The following FAM227A variants were observed in gnomAD, a reference collection of about 807,000 sequenced individuals.
The protein encoded by FAM227A is protein FAM227A.
Under a neutral mutation model 74.7 loss-of-function variants are expected in FAM227A, and 80 were observed. The ratio of observed to expected loss-of-function variants is 1.07; its 90% CI spans 0.89 to 1.29. The LOEUF is 1.29. Among genes scored for constraint, FAM227A ranks in the 50% most tolerant of loss-of-function variants. The pLI is 0.00. For missense variants in FAM227A, 654 were observed against 683.4 expected, an observed-to-expected ratio of 0.96 and a Z score of 0.48; for synonymous variants, 237 against 241.8, an observed-to-expected ratio of 0.98 and a Z score of 0.19.
intron 1 of FAM227A, among the ~76,000 whole-genome samples, chr22:38,650,871 A>G (rs754891755): frequency 5.9e-5 from 9 of 152,122 alleles, no homozygotes; most frequent in South Asian, 2.1e-4. Flanking sequence ...TGGGCCCTCT[A>G]TGTCCAGAGT....
intron 2 of FAM227A, among the ~76,000 whole-genome samples, chr22:38,648,203 C>T (rs958879196): frequency 2.6e-5 from 4 of 151,630 alleles, no homozygotes; most frequent in African/African-American, 9.7e-5. Context: ...AAGACAGGGC[C>T]AGGGCAGTAA....
chr22:38,603,755 C>T (rs1246670094), intron 13 of FAM227A, among the ~76,000 whole-genome samples: 2 of 152,046 alleles, frequency 1.3e-5, no homozygotes, highest in South Asian at 2.1e-4. Flanking sequence ...TGAGAGGGTA[C>T]TAGACTTCAA....
chr22:38,649,366 A>G (rs1021295254), intron 2 of FAM227A, among the ~76,000 whole-genome samples: 1 of 152,054 alleles, frequency 6.6e-6, no homozygotes, highest in African/African-American at 2.4e-5. Context: ...GGAGTTCAAG[A>G]CCAGCCTGGC....
chr22:38,606,684 C>G (rs895043434), intron 12 of FAM227A, among the ~76,000 whole-genome samples: 1 of 152,202 alleles, frequency 6.6e-6, no homozygotes, highest in African/African-American at 2.4e-5. Flanking sequence ...TTCAATGGCA[C>G]TGACCTCTCT....
intron 14 of FAM227A, 101 bp downstream of exon 14, chr22:38,599,661 GGC>G (rs1356963332): frequency 3.6e-6 from 4 of 1,096,656 alleles, no homozygotes; most frequent in Non-Finnish European, 5.0e-6. Context: ...TGGTGTGCCA[GGC>G]GCTGTGCTAA....
intron 1 of FAM227A, among the ~76,000 whole-genome samples, chr22:38,654,765 C>G (rs1265906026): frequency 2.7e-5 from 3 of 113,140 alleles, no homozygotes; most frequent in Non-Finnish European, 5.2e-5. Flanking sequence ...CCCATCTCTA[C>G]TAAAAATACC....
chr22:38,652,876 CAAAAA>C, intron 1 of FAM227A, among the ~76,000 whole-genome samples: 1 of 90,388 alleles, frequency 1.1e-5, no homozygotes, highest in Admixed American at 1.2e-4. Context: ...GACTCCATCT[CAAAAA>C]AAAAAAAAAA....
chr22:38,613,014 T>C (rs2091448572), intron 11 of FAM227A, among the ~76,000 whole-genome samples: 1 of 132,864 alleles, frequency 7.5e-6, no homozygotes, highest in Non-Finnish European at 1.5e-5. Flanking sequence ...TTTTTGGCAC[T>C]ACAAAAATTC....
Position 38,656,387 on chromosome 22 carries a change from G to C in FAM227A, c.-362C>G, listed in dbSNP as rs1051893814. On this transcript the variant is annotated 5_prime_UTR_variant, in exon 1 of 17. Transcript: ENST00000535113. ...CAATGGAACCTTCGTGAGCCGCCGCGTTGTCCGCGAGATGCCGTTTCTATG... is the reference window on the plus strand; with the variant it reads ...CAATGGAACCTTCGTGAGCCGCCGCCTTGTCCGCGAGATGCCGTTTCTATG... 4.6e-5 allele frequency: 7 copies of C among 152,496 alleles called. 1 individual carries two copies. The East Asian group carries it at 1.2e-3, about 25-fold the overall frequency. The allele number at this position is 152,496 out of a possible 1,614,324, so 9.4% of individuals were successfully genotyped here.
chr22:38,639,462 T>C lies in FAM227A; in HGVS notation c.295+193A>G, dbSNP rs73415434. Among the ~76,000 whole-genome samples the C allele has an allele frequency of 6.2e-3, 920 of 148,306 alleles. 7 individuals are homozygous for C. Among genetic ancestry groups the C allele is most frequent in the African/African-American group, 0.022 (866 of 40,150 alleles). The stretch of plus-strand genomic sequence containing the variant: ...GTGGATAAAAGCACCTGGTGCCACA[T>C]GTAGGTGGTCTCTAAATGGTACTGC... On this transcript the variant is annotated intron_variant, in intron 4 of 16. Transcript: ENST00000535113.
chr22:38,617,075 G>C (rs533303777), intron 11 of FAM227A, among the ~76,000 whole-genome samples: 1 of 152,102 alleles, frequency 6.6e-6, no homozygotes, highest in East Asian at 1.9e-4. Flanking sequence ...GAAGTGTTTC[G>C]AAGGTGGGAG....
rs1392139145 is a variant in FAM227A at position 38,650,029 on chromosome 22, G to T, written c.140C>A (p.Pro47His). 9.7e-6 allele frequency: 15 copies of T among 1,552,166 alleles called. No homozygotes were observed. The highest frequency in any genetic ancestry group is 1.3e-5 in the Non-Finnish European group (15 of 1,147,070). ...TVRKELENNP[P>H]SCLIGSMHQV... ...AGGTGACATCACCAGAAGGATACAG[G>T]GTGGATTGTTCTCTAACTCCTTCCT... The change falls in exon 2 of 17, where the codon CCC becomes CAC. Residue 47 changes from proline (P) to histidine (H), a missense_variant and splice_region_variant. Pro to His is a moderately conservative substitution (Grantham distance 77, BLOSUM62 -2). Coordinates refer to ENST00000535113, the MANE Select transcript of FAM227A (RefSeq NM_001013647.2).
chr22:38,636,344 C>T, intron 6 of FAM227A, 107 bp downstream of exon 6: 1 of 1,245,966 alleles, frequency 8.0e-7, no homozygotes, highest in Admixed American at 2.6e-5. Flanking sequence ...ACCTGCAAGC[C>T]TGTGGCCCTA....
chr22:38,604,781 G>A (rs1194707963), intron 13 of FAM227A, among the ~76,000 whole-genome samples: 1 of 152,074 alleles, frequency 6.6e-6, no homozygotes, highest in African/African-American at 2.4e-5. Context: ...AGCCTCCCAA[G>A]TGGCTGGGAT....
At chr22:38,644,772 G>A (rs1330952789) in intron 3 of FAM227A, among the ~76,000 whole-genome samples, 1 of 152,196 alleles carries the variant, frequency 6.6e-6, no homozygotes, top group Non-Finnish European at 1.5e-5. Context: ...CGATTTCGCT[G>A]TGAACTTATA....
Position 38,639,637 on chromosome 22 carries a change from T to C in FAM227A, c.295+18A>G. The stretch of plus-strand genomic sequence containing the variant: ...AACCCCATGAAAAGAGCATCAAGGC[T>C]GAGGGAAAGGTTTTTGCCTTTGTCT... On this transcript the variant is annotated intron_variant, in intron 4 of 16. Transcript: ENST00000535113. The C allele has an allele frequency of 1.9e-6, 3 of 1,551,400 alleles. No homozygotes were observed. Among genetic ancestry groups the C allele is most frequent in the South Asian group, 1.2e-5 (1 of 84,054 alleles).
At chr22:38,646,689 C>T (rs532943575) in intron 2 of FAM227A, among the ~76,000 whole-genome samples, 65 of 151,598 alleles carry the variant, frequency 4.3e-4, no homozygotes, top group African/African-American at 9.2e-4. Flanking sequence ...CTCACTCGCC[C>T]GGCCACTCTT....
chr22:38,624,480 C>T (rs1197389984), intron 9 of FAM227A, among the ~76,000 whole-genome samples: 1 of 152,156 alleles, frequency 6.6e-6, no homozygotes, highest in Non-Finnish European at 1.5e-5. Context: ...TGCGAGGATG[C>T]CTTGGCTGGC....
At chr22:38,619,174 G>T (rs2091635893) in intron 11 of FAM227A, among the ~76,000 whole-genome samples, 1 of 152,136 alleles carries the variant, frequency 6.6e-6, no homozygotes, top group Non-Finnish European at 1.5e-5. Flanking sequence ...GAAGTCCCCT[G>T]AGGCAGGACC....
Sources: allele counts gnomAD v4.1 joint callset (sites outside exome capture counted in the v4.1 genomes callset), GRCh38; gene constraint gnomAD v4.1.1; transcripts MANE v1.5; gene names NCBI Gene and HGNC (gene_info 2026-07-23, HGNC 2026-07-21).